DHX37: variants seen among roughly 807,000 people sequenced by gnomAD.
DHX37 encodes probable ATP-dependent RNA helicase DHX37.
Under a neutral mutation model 134.3 loss-of-function variants are expected in DHX37, and 52 were observed. That is an observed-to-expected ratio of 0.39 (90% confidence interval 0.31 to 0.49). The LOEUF (loss-of-function observed/expected upper bound fraction) is 0.49. Ranked by LOEUF, DHX37 falls within the 20% of genes least tolerant of loss-of-function variation. The pLI, the probability that DHX37 is intolerant of heterozygous loss-of-function variation, is 0.93. For synonymous variants in DHX37, 634 were observed against 670.7 expected (o/e 0.95, Z 0.85); for missense variants, 1,344 against 1,580.8 (o/e 0.85, Z 2.54).
At chr12:124,965,567 A>C in intron 13 of DHX37, 101 bp downstream of exon 13, 1 of 1,454,368 alleles carries the variant, frequency 6.9e-7, no homozygotes, top group Non-Finnish European at 9.1e-7. Context: ...TCGGGGACAA[A>C]GCTGCTAGAA....
chr12:124,972,656 C>G (rs920411459), intron 6 of DHX37, 57 bp from the exon 7 acceptor site: 4 of 1,576,326 alleles, frequency 2.5e-6, no homozygotes, highest in Middle Eastern at 1.7e-4. Flanking sequence ...GCTGTCGCCA[C>G]GGGGCCACTA....
At chr12:124,964,027 T>C (rs1009077585) in intron 15 of DHX37, among the ~76,000 whole-genome samples, 2 of 149,314 alleles carry the variant, frequency 1.3e-5, no homozygotes, top group African/African-American at 4.9e-5. Flanking sequence ...AATAAATACA[T>C]ATAATAAAAA....
chr12:124,953,762 C>T, intron 20 of DHX37, 118 bp downstream of exon 20: 1 of 1,443,872 alleles, frequency 6.9e-7, no homozygotes, highest in Non-Finnish European at 9.2e-7. Flanking sequence ...GTTATAAATA[C>T]ATTTTGGTGC....
rs1954621195 is a variant in DHX37 at position 124,975,526 on chromosome 12, AC to A, written c.888-16del. ...TGCTGTCTTCACTGGGGGAGGAAGA[AC>A]ATGGCCATCAACAGTGCGCGGCCCC... On this transcript the variant is annotated splice_polypyrimidine_tract_variant and intron_variant, in intron 5 of 26. Transcript: ENST00000308736. The A allele has an allele frequency of 1.2e-6, 2 of 1,611,414 alleles. No individual in the cohort carries two copies. The highest frequency in any genetic ancestry group is 2.2e-5 in the South Asian group (2 of 91,066).
rs1953995359 is a variant in DHX37 at position 124,952,490 on chromosome 12, G to A, written c.2776C>T (p.Arg926Ter). ...CCCAGGCCTGCCGTCACGATCTGTC[G>A]CAGGTAGGTCACCTGGCTCTCGGTG... ...PPTESQVTYLRQIVTAGLGDH... is the reference protein window; with the variant it reads ...PPTESQVTYL The change falls in exon 21 of 27, where the codon CGA becomes TGA. Residue 926 changes from arginine (R) to a stop codon, truncating the protein, a stop_gained. Transcript: ENST00000308736. LOFTEE classifies it high-confidence loss of function. The A allele has an allele frequency of 2.5e-6, 4 of 1,608,864 alleles. No individual in the cohort carries two copies. The highest frequency in any genetic ancestry group is 2.2e-5 in the East Asian group (1 of 44,602).
intron 21 of DHX37, among the ~76,000 whole-genome samples, chr12:124,952,133 C>T (rs933009388): frequency 1.3e-5 from 2 of 151,988 alleles, no homozygotes; most frequent in African/African-American, 4.8e-5. Flanking sequence ...GGCAACAGAG[C>T]GAGACCTTGT....
intron 14 of DHX37, 129 bp downstream of exon 14, chr12:124,964,801 C>CA (rs1428967573): frequency 2.8e-6 from 4 of 1,430,558 alleles, no homozygotes; most frequent in Non-Finnish European, 3.8e-6. Flanking sequence ...AAAACTACCC[C>CA]AATATTCCTC....
chr12:124,982,443 T>C, intron 3 of DHX37, 68 bp downstream of exon 3: 1 of 1,590,024 alleles, frequency 6.3e-7, no homozygotes, highest in Non-Finnish European at 8.6e-7. Context: ...GAGGACCCCA[T>C]AACCTGTGCG....
Position 124,953,804 on chromosome 12 carries a change from T to C in DHX37, c.2695+76A>G, listed in dbSNP as rs1954024021. On this transcript the variant is annotated intron_variant, in intron 20 of 26. Coordinates refer to ENST00000308736, the MANE Select transcript of DHX37 (RefSeq NM_032656.4). ...AGTTTGCAAACGTGGACTCTATGGATCACTTTTTTAAACATTTCAAGTGCC... is the reference window on the plus strand; with the variant it reads ...AGTTTGCAAACGTGGACTCTATGGACCACTTTTTTAAACATTTCAAGTGCC... 8 of 1,566,844 alleles carry C rather than the reference T, an allele frequency of 5.1e-6. No individual in the cohort carries two copies. In the Admixed American group the frequency reaches 1.3e-4, roughly 26 times the overall value.
rs1953955759 is a variant in DHX37, at chr12:124,950,507, G to A, written c.3027C>T (p.Pro1009=). The change falls in exon 23 of 27, where the codon CCC becomes CCT. Residue 1009 remains proline (P), a synonymous_variant. Coordinates refer to ENST00000308736, the MANE Select transcript of DHX37 (RefSeq NM_032656.4). ...VEVQWIPALL[P]SYCQFDKPLE... is the part of the protein sequence containing the mutation. The stretch of plus-strand genomic sequence containing the variant: ...GGGGCTTGTCAAACTGGCAGTAAGA[G>A]GGCAGCAGGGCCGGGATCCACTGGA... The A allele has an allele frequency of 6.4e-7, 1 of 1,567,118 alleles. No individual in the cohort carries two copies. Among genetic ancestry groups the A allele is most frequent in the Non-Finnish European group, 8.6e-7 (1 of 1,157,158 alleles).
intron 21 of DHX37, among the ~76,000 whole-genome samples, chr12:124,951,226 A>G (rs1953971833): frequency 6.6e-6 from 1 of 151,324 alleles, no homozygotes; most frequent in South Asian, 2.1e-4. Flanking sequence ...GGTTGCAGTG[A>G]GCTGAGATCA....
In DHX37 at chr12:124,964,451, G is replaced by A; in HGVS notation, c.1988C>T (p.Ala663Val). 1 of 1,614,184 alleles carries A rather than the reference G, an allele frequency of 6.2e-7. No homozygotes were observed. ...SSFRVTWVSQ[A>V]SADQRAGRAG... ...TCTGCCCGCTCGCTGGTCAGCTGAT[G>A]CCTGGGAGACCCAGGTGACACGGAA... The change falls in exon 15 of 27, where the codon GCA becomes GTA. Residue 663 changes from alanine (A) to valine (V), a missense_variant. Around this residue, in one of 7 missense-constraint regions of DHX37, gnomAD observed 39 missense variants for 87.9 expected, o/e 0.44. Transcript: ENST00000308736.
rs539900481 is a variant in DHX37, at chr12:124,964,376, G to A, written c.2045+18C>T. On this transcript the variant is annotated intron_variant, in intron 15 of 26. Transcript: ENST00000308736. Reference sequence around the variant, plus strand: ...AAGGCGGCACCAACGTCCCTGAGGAGGAGCCTGGGTGACCCACCTGTAGCA... The same window carrying A: ...AAGGCGGCACCAACGTCCCTGAGGAAGAGCCTGGGTGACCCACCTGTAGCA... The A allele has an allele frequency of 9.9e-6, 16 of 1,611,926 alleles. No homozygotes were observed. The highest frequency in any genetic ancestry group is 4.4e-5 in the South Asian group (4 of 91,058).
At chr12:124,969,083 G>T (rs566082256) in intron 8 of DHX37, 115 bp from the exon 9 acceptor site, 956 of 985,702 alleles carry the variant, frequency 9.7e-4, no homozygotes, top group Non-Finnish European at 1.3e-3. Context: ...CCCACCCTCT[G>T]CCCCTTTCTG....
rs774375537 is a variant in DHX37, at chr12:124,980,613, G to T, written c.615C>A (p.Pro205=). Residue 205 remains proline (P), a synonymous_variant, in exon 4 of 27, where the codon CCC becomes CCA. Transcript: ENST00000308736. The surrounding 1 kb of genome is among the most constrained non-coding windows in gnomAD (Gnocchi z 5.3). ...TVAPLPPAPA[P]SSQPVPAGMT... is the part of the protein sequence containing the mutation. ...TCCCAGCCGGCACGGGCTGACTGCT[G>T]GGTGCTGGAGCTGGCGGCAGAGGTG... The T allele has an allele frequency of 6.2e-7, 1 of 1,609,812 alleles. No individual in the cohort carries two copies. Among genetic ancestry groups the T allele is most frequent in the Non-Finnish European group, 8.5e-7 (1 of 1,179,704 alleles).
At position 124,964,500 on chromosome 12, in the gene DHX37, C is replaced by T. The variant is rs1954337998; in HGVS notation, c.1939G>A (p.Asp647Asn). ...AAGGAGGATACGCCAGTGACGCGGT[C>T]GTAGTAGCGTTTCTTGACCTTCCCA... ...DCGKVKKRYY[D>N]RVTGVSSFRV... Residue 647 changes from aspartate to asparagine, a missense_variant, in exon 15 of 27, where the codon GAC (aspartate) becomes AAC (asparagine). Transcript: ENST00000308736. 1.2e-6 allele frequency: 2 copies of T among 1,614,154 alleles called. No homozygotes were observed. The highest frequency in any genetic ancestry group is 1.1e-5 in the South Asian group (1 of 91,070).
Position 124,964,910 on chromosome 12 carries a change from C to A in DHX37, c.1812+20G>T, listed in dbSNP as rs781435468. On this transcript the variant is annotated intron_variant, in intron 14 of 26. Transcript: ENST00000308736. ...CCTTAAAAGTGCCCCAAAAGCTGGGCACCGGCCCAGCACGGTTACCTGTGC... is the reference window on the plus strand; with the variant it reads ...CCTTAAAAGTGCCCCAAAAGCTGGGAACCGGCCCAGCACGGTTACCTGTGC... The A allele has an allele frequency of 1.5e-5, 24 of 1,575,322 alleles. No individual in the cohort carries two copies. The highest frequency in any genetic ancestry group is 1.7e-4 in the Middle Eastern group (1 of 6,018).
intron 1 of DHX37, among the ~76,000 whole-genome samples, chr12:124,987,667 C>G (rs1954901344): frequency 6.6e-6 from 1 of 152,190 alleles, no homozygotes; most frequent in African/African-American, 2.4e-5. Context: ...TTACCATCTC[C>G]AAAACTCTGA....
chr12:124,985,799 A>G (rs1224815464), intron 2 of DHX37, among the ~76,000 whole-genome samples: 1 of 151,180 alleles, frequency 6.6e-6, no homozygotes, highest in Non-Finnish European at 1.5e-5. Context: ...GGAACAAAAC[A>G]AAAAAGAAAA....
Sources: gnomAD v4.1 joint callset for allele counts (sites outside exome capture counted in the v4.1 genomes callset) on GRCh38, gnomAD v4.1.1 for gene constraint, gnomAD v4.1.1 regional missense constraint, Gnocchi (gnomAD v3.1) non-coding constraint, MANE v1.5 for transcripts, NCBI Gene and HGNC (gene_info 2026-07-23, HGNC 2026-07-21) for gene names.